The following SCFD2 variants were observed in gnomAD, a reference collection of about 807,000 sequenced individuals.
SCFD2 encodes the protein sec1 family domain-containing protein 2.
In SCFD2, 54 loss-of-function variants were observed where a neutral mutation model predicts 58.9. The observed-to-expected ratio is 0.92, with a 90% CI of 0.74 to 1.15. The LOEUF (loss-of-function observed/expected upper bound fraction) is 1.15, where lower values mean the gene tolerates loss of function less well. Ranked by LOEUF, SCFD2 falls within the 50% of genes most tolerant of loss-of-function variation. The probability of loss-of-function intolerance (pLI) is 0.00; values close to 1 mark genes in which losing one functional copy is unlikely to be tolerated. For missense variants in SCFD2, 805 were observed against 836.6 expected (o/e 0.96, Z 0.47); for synonymous variants, 321 against 335.9 (o/e 0.96, Z 0.49).
chr4:53,099,158 C>T (rs1724755960), intron 5 of SCFD2, among the ~76,000 whole-genome samples: 1 of 152,186 alleles, frequency 6.6e-6, no homozygotes, highest in South Asian at 2.1e-4. Context: ...ACTTCTACCA[C>T]CACCATTCAT....
intron 5 of SCFD2, among the ~76,000 whole-genome samples, chr4:53,111,572 T>C (rs1358482771): frequency 6.6e-6 from 1 of 152,142 alleles, no homozygotes; most frequent in African/African-American, 2.4e-5. Flanking sequence ...GGATCACACA[T>C]TCCTGGAAAC....
At chr4:53,137,996 A>T (rs1203251514) in intron 5 of SCFD2, among the ~76,000 whole-genome samples, 1 of 152,158 alleles carries the variant, frequency 6.6e-6, no homozygotes, top group Non-Finnish European at 1.5e-5. Context: ...CTTTGTTCAT[A>T]AGAGTCTCGT....
chr4:53,058,268 G>A (rs1723404415), intron 5 of SCFD2, among the ~76,000 whole-genome samples: 1 of 151,682 alleles, frequency 6.6e-6, no homozygotes. Flanking sequence ...TTATGCCTAT[G>A]AGTTGGGGAA....
intron 3 of SCFD2, among the ~76,000 whole-genome samples, chr4:53,304,701 G>A (rs1043007930): frequency 6.6e-6 from 1 of 151,848 alleles, no homozygotes; most frequent in Non-Finnish European, 1.5e-5. Flanking sequence ...TCTCTAAACT[G>A]GTTATTCTAG....
chr4:53,290,632 A>G (rs1471530146), intron 3 of SCFD2, among the ~76,000 whole-genome samples: 2 of 152,038 alleles, frequency 1.3e-5, no homozygotes, highest in Non-Finnish European at 2.9e-5. Flanking sequence ...ACAAATAAAT[A>G]CAGAAGAGAA....
chr4:52,985,333 T>A (rs973267601), intron 5 of SCFD2, among the ~76,000 whole-genome samples: 2 of 152,254 alleles, frequency 1.3e-5, no homozygotes, highest in East Asian at 1.9e-4. Context: ...GTGAAGTCAT[T>A]TTGGTTATTT....
intron 2 of SCFD2, among the ~76,000 whole-genome samples, chr4:53,330,608 AAAGG>A (rs1223357889): frequency 1.3e-5 from 2 of 152,178 alleles, no homozygotes; most frequent in East Asian, 3.8e-4. Flanking sequence ...CTAAACATGG[AAAGG>A]AACAACCAGT....
At chr4:52,891,434 A>G (rs73143081) in intron 7 of SCFD2, among the ~76,000 whole-genome samples, 2,584 of 152,318 alleles carry the variant, frequency 0.017, 88 homozygotes, top group African/African-American at 0.059. Flanking sequence ...ACTTTATGCA[A>G]GCCTTAGAAT....
chr4:53,118,035 T>C (rs201299544), intron 5 of SCFD2, among the ~76,000 whole-genome samples: 11 of 152,180 alleles, frequency 7.2e-5, no homozygotes, highest in East Asian at 3.9e-4. Context: ...CAACCCCACA[T>C]TGATTGAGCA....
chr4:53,233,137 T>G (rs1729490151), intron 4 of SCFD2, among the ~76,000 whole-genome samples: 1 of 152,164 alleles, frequency 6.6e-6, no homozygotes, highest in South Asian at 2.1e-4. Context: ...AAGACTTGGT[T>G]TCTCCAAGGC....
intron 4 of SCFD2, among the ~76,000 whole-genome samples, chr4:53,171,204 T>A (rs1987028): frequency 0.1 from 15,204 of 152,206 alleles, 899 homozygotes; most frequent in East Asian, 0.23. Context: ...ACCTAATTTG[T>A]TGAGAGTTCT....
intron 5 of SCFD2, among the ~76,000 whole-genome samples, chr4:52,967,345 G>A (rs534383743): frequency 7.2e-5 from 11 of 152,210 alleles, no homozygotes; most frequent in South Asian, 6.2e-4. Flanking sequence ...TCTGGGACCC[G>A]AGAACCCCTC....
chr4:52,930,658 A>G (rs146679949), intron 5 of SCFD2, among the ~76,000 whole-genome samples: 1 of 152,294 alleles, frequency 6.6e-6, no homozygotes, highest in Non-Finnish European at 1.5e-5. Context: ...GTAACTGTAA[A>G]CTAACAGTTT....
At chr4:53,019,537 C>G (rs1030853852) in intron 5 of SCFD2, among the ~76,000 whole-genome samples, 1 of 152,144 alleles carries the variant, frequency 6.6e-6, no homozygotes, top group Admixed American at 6.5e-5. Context: ...TAAAAGAACA[C>G]TTACTACTTC....
chr4:53,301,786 G>T (rs932543015), intron 3 of SCFD2, among the ~76,000 whole-genome samples: 2 of 152,146 alleles, frequency 1.3e-5, no homozygotes, highest in African/African-American at 4.8e-5. Flanking sequence ...GGGATGCAAG[G>T]TTGGTTCAAC....
At chr4:53,024,454 G>A (rs1286724862) in intron 5 of SCFD2, among the ~76,000 whole-genome samples, 1 of 152,094 alleles carries the variant, frequency 6.6e-6, no homozygotes, top group African/African-American at 2.4e-5. Context: ...GAAGATTGAG[G>A]GGAAGTGACA....
intron 4 of SCFD2, among the ~76,000 whole-genome samples, chr4:53,236,451 GATAT>G (rs146595901): frequency 4.8e-5 from 7 of 144,628 alleles, no homozygotes; most frequent in Admixed American, 7.0e-5. Context: ...CATATATAAG[GATAT>G]ATATATATAT....
At chr4:53,283,518 A>T (rs1261480194) in intron 3 of SCFD2, among the ~76,000 whole-genome samples, 1 of 152,120 alleles carries the variant, frequency 6.6e-6, no homozygotes, top group South Asian at 2.1e-4. Context: ...TTTACTTGAT[A>T]CTGTCAGTTT....
intron 2 of SCFD2, among the ~76,000 whole-genome samples, chr4:53,328,703 T>C (rs1224286379): frequency 6.6e-6 from 1 of 152,310 alleles, no homozygotes; most frequent in Admixed American, 6.5e-5. Flanking sequence ...TTATCAGCCA[T>C]CACAGAAATA....
Sources: allele counts gnomAD v4.1 joint callset (sites outside exome capture counted in the v4.1 genomes callset), GRCh38; gene constraint gnomAD v4.1.1; transcripts MANE v1.5; gene names NCBI Gene and HGNC (gene_info 2026-07-23, HGNC 2026-07-21).